NRXN1: variants seen among roughly 807,000 people sequenced by gnomAD.
NRXN1 encodes neurexin 1.
Under a neutral mutation model 150.9 loss-of-function variants are expected in NRXN1, and 39 were observed. The observed-to-expected ratio is 0.26, with a 90% CI of 0.20 to 0.34. The LOEUF (loss-of-function observed/expected upper bound fraction) is 0.34. NRXN1 is among the 10% of genes least tolerant of loss of function. The pLI is 1.00. For missense variants in NRXN1, 1,815 were observed against 1,949.9 expected (o/e 0.93, Z 1.30); for synonymous variants, 924 against 757.0 (o/e 1.22, Z -3.62).
At position 50,923,102 on chromosome 2, in the gene NRXN1, T is replaced by C. The variant is rs921539548; in HGVS notation, c.791-415A>G. Among the ~76,000 whole-genome samples, 5 of 151,748 alleles carry C rather than the reference T, an allele frequency of 3.3e-5. No homozygotes were observed. In the East Asian group the frequency reaches 7.8e-4, roughly 24 times the overall value. On this transcript the variant is annotated intron_variant, in intron 3 of 22. Coordinates refer to ENST00000401669, the MANE Select transcript of NRXN1 (RefSeq NM_001330078.2). ...AAAACCCAATGGAATACATGAAACATGGGCTGGGTCTGATCTTTTTCCCCT... is the reference window on the plus strand; with the variant it reads ...AAAACCCAATGGAATACATGAAACACGGGCTGGGTCTGATCTTTTTCCCCT...
intron 18 of NRXN1, among the ~76,000 whole-genome samples, chr2:50,224,692 A>AG (rs1491229755): frequency 2.0e-4 from 19 of 96,980 alleles, no homozygotes; most frequent in South Asian, 7.2e-4. Context: ...AGAGAGGGAG[A>AG]AAGAGAGAGA....
intron 13 of NRXN1, among the ~76,000 whole-genome samples, chr2:50,501,030 C>A (rs993714181): frequency 6.6e-6 from 1 of 152,062 alleles, no homozygotes; most frequent in Admixed American, 6.6e-5. Context: ...TCTATAATAA[C>A]AAAACTCAGA....
chr2:50,181,497 G>A (rs770209818), intron 18 of NRXN1, among the ~76,000 whole-genome samples: 2 of 152,044 alleles, frequency 1.3e-5, no homozygotes, highest in African/African-American at 2.4e-5. Flanking sequence ...TAGTGGCCTC[G>A]TTATGAGGGC....
chr2:50,469,059 GA>G (rs891555970), intron 16 of NRXN1, among the ~76,000 whole-genome samples: 4 of 151,518 alleles, frequency 2.6e-5, no homozygotes, highest in African/African-American at 9.7e-5. Flanking sequence ...TACATAAACA[GA>G]AAAAAGCCAT....
At chr2:50,412,916 A>G (rs540448810) in intron 17 of NRXN1, among the ~76,000 whole-genome samples, 1 of 152,356 alleles carries the variant, frequency 6.6e-6, no homozygotes, top group African/African-American at 2.4e-5. Context: ...ATCTTTCTCC[A>G]TATGTGAAAA....
chr2:50,714,032 A>C (rs539522287), intron 5 of NRXN1, among the ~76,000 whole-genome samples: 2 of 152,306 alleles, frequency 1.3e-5, no homozygotes, highest in African/African-American at 4.8e-5. Flanking sequence ...TCTAACAATA[A>C]ATAGGTATTA....
intron 21 of NRXN1, among the ~76,000 whole-genome samples, chr2:50,011,331 T>C (rs762515925): frequency 6.6e-6 from 1 of 152,164 alleles, no homozygotes; most frequent in African/African-American, 2.4e-5. Flanking sequence ...TGCTCAAAAT[T>C]GTACAAGGAA....
chr2:50,785,655 T>C (rs1574469178), intron 5 of NRXN1, among the ~76,000 whole-genome samples: 1 of 151,902 alleles, frequency 6.6e-6, no homozygotes, highest in African/African-American at 2.4e-5. Flanking sequence ...AAAAAACACA[T>C]AAAGAGAAGC....
intron 21 of NRXN1, among the ~76,000 whole-genome samples, chr2:50,030,539 G>A (rs2152567228): frequency 6.6e-6 from 1 of 152,180 alleles, no homozygotes; most frequent in Non-Finnish European, 1.5e-5. Flanking sequence ...TCCTACATCT[G>A]CTCTTAAAAA....
At chr2:50,679,018 G>A (rs912884249) in intron 5 of NRXN1, among the ~76,000 whole-genome samples, 1 of 152,054 alleles carries the variant, frequency 6.6e-6, no homozygotes, top group African/African-American at 2.4e-5. Context: ...TTGTTACAAG[G>A]TGCAGTGCCA....
chr2:50,828,472 C>A (rs1455226726), intron 5 of NRXN1, among the ~76,000 whole-genome samples: 1 of 150,190 alleles, frequency 6.7e-6, no homozygotes, highest in Non-Finnish European at 1.5e-5. Flanking sequence ...ACTTCTCAGA[C>A]GGGGCGGTTG....
chr2:50,448,304 A>G (rs1039647653), intron 17 of NRXN1, among the ~76,000 whole-genome samples: 7 of 152,294 alleles, frequency 4.6e-5, no homozygotes, highest in African/African-American at 1.4e-4. Context: ...TGCTTATGCT[A>G]TTCATCTCAC....
At chr2:50,989,794 G>C (rs1031608459) in intron 2 of NRXN1, among the ~76,000 whole-genome samples, 2 of 152,024 alleles carry the variant, frequency 1.3e-5, no homozygotes, top group East Asian at 3.9e-4. Context: ...TATGGATGTA[G>C]AGAAAAGGAC....
intron 17 of NRXN1, among the ~76,000 whole-genome samples, chr2:50,424,530 G>A (rs1220607323): frequency 3.3e-5 from 5 of 151,982 alleles, no homozygotes; most frequent in Admixed American, 3.3e-4. Context: ...GGAGAATATG[G>A]GTCTACCTAA....
chr2:50,416,126 T>C (rs2083522254), intron 17 of NRXN1, among the ~76,000 whole-genome samples: 1 of 152,042 alleles, frequency 6.6e-6, no homozygotes, highest in African/African-American at 2.4e-5. Flanking sequence ...TGGAGACAGA[T>C]GGGCAATAAA....
At chr2:50,319,793 C>T (rs1325482069) in intron 17 of NRXN1, among the ~76,000 whole-genome samples, 1 of 152,054 alleles carries the variant, frequency 6.6e-6, no homozygotes, top group Non-Finnish European at 1.5e-5. Flanking sequence ...CTGTTTTCTG[C>T]TCTATTGAAA....
At chr2:50,458,469 A>C (rs2087810641) in intron 17 of NRXN1, among the ~76,000 whole-genome samples, 1 of 152,204 alleles carries the variant, frequency 6.6e-6, no homozygotes, top group Non-Finnish European at 1.5e-5. Flanking sequence ...ATAAGTGATA[A>C]ATATTTTAAA....
chr2:49,994,136 G>A (rs1180242548), intron 21 of NRXN1, among the ~76,000 whole-genome samples: 2 of 152,144 alleles, frequency 1.3e-5, no homozygotes, highest in African/African-American at 4.8e-5. Flanking sequence ...ATGAAGCATA[G>A]TACGGGGGTG....
intron 5 of NRXN1, among the ~76,000 whole-genome samples, chr2:50,882,350 T>G (rs1224379616): frequency 1.3e-5 from 2 of 152,048 alleles, no homozygotes; most frequent in Non-Finnish European, 2.9e-5. Flanking sequence ...ATAACTTCAT[T>G]TATGAAATTC....
Sources: allele counts gnomAD v4.1 joint callset (sites outside exome capture counted in the v4.1 genomes callset), GRCh38; gene constraint gnomAD v4.1.1; transcripts MANE v1.5; gene names NCBI Gene and HGNC (gene_info 2026-07-23, HGNC 2026-07-21).